PCDHGA1: variants seen among roughly 807,000 people sequenced by gnomAD.
PCDHGA1 encodes protocadherin gamma subfamily A, 1.
A neutral mutation model predicts 58.0 loss-of-function variants in PCDHGA1; 32 were observed. The observed-to-expected ratio is 0.55, with a 90% CI of 0.42 to 0.74. PCDHGA1 has a LOEUF of 0.74. Ranked by LOEUF, PCDHGA1 falls within the 30% of genes least tolerant of loss-of-function variation. The pLI is 0.00. For synonymous variants in PCDHGA1, 498 were observed against 501.1 expected, an observed-to-expected ratio of 0.99 and a Z score of 0.08; for missense variants, 1,205 against 1,182.3, an observed-to-expected ratio of 1.02 and a Z score of -0.28.
At chr5:141,366,741 G>T in intron 1 of PCDHGA1, 1 of 1,611,828 alleles carries the variant, frequency 6.2e-7, no homozygotes, top group South Asian at 1.1e-5. Context: ...AAAGAAGAAC[G>T]GCGAGTTCAG....
rs1344567118 is a variant in PCDHGA1 at position 141,346,258 on chromosome 5, G to A, written c.2421+13153G>A. 1.2e-6 allele frequency: 2 copies of A among 1,614,092 alleles called. No individual in the cohort carries two copies. Among genetic ancestry groups the A allele is most frequent in the African/African-American group, 1.3e-5 (1 of 74,950 alleles). ...AGTACGCCCGGCTCGCACTTTGTGGGCGCGGACGGGGTTCGGGCTTTCCTG... is the reference window on the plus strand; with the variant it reads ...AGTACGCCCGGCTCGCACTTTGTGGACGCGGACGGGGTTCGGGCTTTCCTG... On this transcript the variant is annotated intron_variant, in intron 1 of 3. Coordinates refer to ENST00000517417, the MANE Select transcript of PCDHGA1 (RefSeq NM_018912.3).
chr5:141,426,542 T>C, intron 1 of PCDHGA1: 1 of 347,918 alleles, frequency 2.9e-6, no homozygotes, highest in South Asian at 2.2e-5. Context: ...AACATACTTG[T>C]GAGTGACAGA....
intron 1 of PCDHGA1, chr5:141,356,863 C>T: frequency 6.2e-7 from 1 of 1,614,220 alleles, no homozygotes; most frequent in Non-Finnish European, 8.5e-7. Context: ...TGTGCTGGAC[C>T]AGAACGACAA....
At chr5:141,352,953 AC>A (rs1759152572) in intron 1 of PCDHGA1, among the ~76,000 whole-genome samples, 2 of 152,042 alleles carry the variant, frequency 1.3e-5, no homozygotes, top group Admixed American at 6.6e-5. Context: ...GTGCCACTGC[AC>A]TCCAGCCTGG....
At chr5:141,482,755 T>TGAAGTGGGAG (rs1554165462) in intron 1 of PCDHGA1, among the ~76,000 whole-genome samples, 1 of 143,580 alleles carries the variant, frequency 7.0e-6, no homozygotes, top group South Asian at 2.1e-4. Context: ...GGGATTATGG[T>TGAAGTGGGAG]ATTTCATTAT....
At chr5:141,495,089 C>G (rs1440289878) in intron 2 of PCDHGA1, among the ~76,000 whole-genome samples, 2 of 152,284 alleles carry the variant, frequency 1.3e-5, no homozygotes, top group East Asian at 3.9e-4. Flanking sequence ...TGCCCCTTCC[C>G]TCCTCGCCAC....
chr5:141,385,378 C>G, intron 1 of PCDHGA1: 3 of 1,519,118 alleles, frequency 2.0e-6, no homozygotes, highest in Non-Finnish European at 2.6e-6. Flanking sequence ...TGATATTTCT[C>G]TATTATTTTG....
At chr5:141,463,526 A>G (rs989086820) in intron 1 of PCDHGA1, among the ~76,000 whole-genome samples, 1 of 131,914 alleles carries the variant, frequency 7.6e-6, no homozygotes, top group Non-Finnish European at 1.5e-5. Flanking sequence ...TCGGCTTACT[A>G]GAAACTCCGG....
At chr5:141,339,409 T>C in intron 1 of PCDHGA1, 1 of 1,614,236 alleles carries the variant, frequency 6.2e-7, no homozygotes, top group Admixed American at 1.7e-5. Context: ...GTGAAACCAC[T>C]ACGCCAGGAT....
At chr5:141,360,790 G>C in intron 1 of PCDHGA1, 1 of 1,613,878 alleles carries the variant, frequency 6.2e-7, no homozygotes, top group Non-Finnish European at 8.5e-7. Context: ...GGATGGCGGA[G>C]ACCCACCTCA....
At chr5:141,405,363 C>A (rs765508317) in intron 1 of PCDHGA1, 3 of 1,613,808 alleles carry the variant, frequency 1.9e-6, no homozygotes, top group South Asian at 1.1e-5. Context: ...ATAGAAGACA[C>A]CCCTTTGGTT....
intron 1 of PCDHGA1, chr5:141,394,727 C>T (rs971156422): frequency 1.2e-6 from 2 of 1,613,318 alleles, no homozygotes; most frequent in African/African-American, 1.3e-5. Context: ...GAGATGCGCT[C>T]AAGCAGAGCC....
At chr5:141,434,807 A>G (rs2097718601) in intron 1 of PCDHGA1, among the ~76,000 whole-genome samples, 1 of 152,016 alleles carries the variant, frequency 6.6e-6, no homozygotes, top group South Asian at 2.1e-4. Context: ...AGCTTGGAGA[A>G]ATATATCCCT....
chr5:141,394,290 G>A (rs759077173), intron 1 of PCDHGA1: 11 of 1,613,800 alleles, frequency 6.8e-6, no homozygotes, highest in Non-Finnish European at 8.5e-6. Context: ...CTCTGTGACC[G>A]AGGACACGCT....
chr5:141,432,700 G>A lies in PCDHGA1; in HGVS notation c.2422-62107G>A. On this transcript the variant is annotated intron_variant, in intron 1 of 3. Transcript: ENST00000517417. The surrounding 1 kb of genome is among the most constrained non-coding windows in gnomAD (Gnocchi z 6.0). ...AGCAGAGCCTCGTAGTGGCCGTCCAGGACCACGGCCAGCCCCCTCTCTCCG... is the reference window on the plus strand; with the variant it reads ...AGCAGAGCCTCGTAGTGGCCGTCCAAGACCACGGCCAGCCCCCTCTCTCCG... The A allele has an allele frequency of 6.2e-7, 1 of 1,613,980 alleles. No individual in the cohort carries two copies. The highest frequency in any genetic ancestry group is 8.5e-7 in the Non-Finnish European group (1 of 1,179,978).
At chr5:141,470,306 T>C (rs2099227644) in intron 1 of PCDHGA1, among the ~76,000 whole-genome samples, 1 of 152,222 alleles carries the variant, frequency 6.6e-6, no homozygotes, top group South Asian at 2.1e-4. Flanking sequence ...TTATTCCATT[T>C]TTCCTCAAAT....
chr5:141,414,624 G>C, intron 1 of PCDHGA1: 1 of 1,613,932 alleles, frequency 6.2e-7, no homozygotes, highest in Non-Finnish European at 8.5e-7. Context: ...CGCTGGACCC[G>C]GACAGCAAAG....
At chr5:141,457,631 G>C (rs540600166) in intron 1 of PCDHGA1, among the ~76,000 whole-genome samples, 1 of 152,282 alleles carries the variant, frequency 6.6e-6, no homozygotes, top group African/African-American at 2.4e-5. Flanking sequence ...TCTTATACTT[G>C]GCCTGATTAT....
chr5:141,403,044 T>C lies in PCDHGA1; in HGVS notation c.2421+69939T>C, dbSNP rs914251787. 7 of 1,613,960 alleles carry C rather than the reference T, an allele frequency of 4.3e-6. No individual in the cohort carries two copies. The Admixed American group carries it at 8.3e-5, about 19-fold the overall frequency. ...CTATGGGAGGCCAGGGCCAGTCAGA[T>C]TCGCTACTCAGTGCCTGAAGAGACA... is the stretch of plus-strand genomic sequence containing the variant. On this transcript the variant is annotated intron_variant, in intron 1 of 3. Transcript: ENST00000517417.
Sources: gnomAD v4.1 joint callset for allele counts (sites outside exome capture counted in the v4.1 genomes callset) on GRCh38, gnomAD v4.1.1 for gene constraint, Gnocchi (gnomAD v3.1) non-coding constraint, MANE v1.5 for transcripts, NCBI Gene and HGNC (gene_info 2026-07-23, HGNC 2026-07-21) for gene names.